BMP5: variants seen among roughly 807,000 people sequenced by gnomAD.
BMP5 encodes bone morphogenetic protein 5.
BMP5 carries 23 observed loss-of-function variants against 46.6 expected under a neutral mutation model. The observed-to-expected ratio is 0.49, with a 90% CI of 0.35 to 0.70. The LOEUF (loss-of-function observed/expected upper bound fraction) is 0.70, where lower values mean the gene tolerates loss of function less well. Among genes scored for constraint, BMP5 ranks in the 30% least tolerant of loss-of-function variants. The pLI is 0.00. For synonymous variants in BMP5, 204 were observed against 191.9 expected (o/e 1.06, Z -0.52); for missense variants, 545 against 565.6 (o/e 0.96, Z 0.37).
chr6:55,762,335 T>G (rs1474701850), intron 4 of BMP5, among the ~76,000 whole-genome samples: 1 of 152,156 alleles, frequency 6.6e-6, no homozygotes, highest in Non-Finnish European at 1.5e-5. Context: ...TGTAGGCAAG[T>G]TAGAGATCAA....
chr6:55,869,586 T>G (rs1192192939), intron 1 of BMP5, among the ~76,000 whole-genome samples: 2 of 152,208 alleles, frequency 1.3e-5, no homozygotes, highest in Admixed American at 1.3e-4. Flanking sequence ...GAGTGTTATT[T>G]TTGTTCATTG....
At chr6:55,855,224 T>C (rs982417279) in intron 1 of BMP5, among the ~76,000 whole-genome samples, 1 of 152,002 alleles carries the variant, frequency 6.6e-6, no homozygotes, top group Admixed American at 6.6e-5. Context: ...TATTTATTTG[T>C]TTTTATTTTT....
intron 3 of BMP5, among the ~76,000 whole-genome samples, chr6:55,790,586 C>T (rs914340284): frequency 1.3e-5 from 2 of 152,176 alleles, no homozygotes; most frequent in African/African-American, 4.8e-5. Flanking sequence ...TCACATTTTA[C>T]ACATGAAAGT....
intron 1 of BMP5, among the ~76,000 whole-genome samples, chr6:55,832,073 T>C (rs1776677891): frequency 6.6e-6 from 1 of 152,102 alleles, no homozygotes; most frequent in Non-Finnish European, 1.5e-5. Flanking sequence ...AATATCCCAT[T>C]TACCATTTGT....
intron 2 of BMP5, among the ~76,000 whole-genome samples, chr6:55,808,285 G>C (rs1173095390): frequency 6.6e-6 from 1 of 152,172 alleles, no homozygotes; most frequent in Admixed American, 6.5e-5. Context: ...TGATGTGTTT[G>C]GCTGTGAGGG....
At chr6:55,835,620 G>A (rs138811041) in intron 1 of BMP5, among the ~76,000 whole-genome samples, 20 of 152,238 alleles carry the variant, frequency 1.3e-4, no homozygotes, top group East Asian at 3.9e-4. Context: ...AAGCTATGTC[G>A]TTCTTTTCTC....
At chr6:55,773,899 G>T in intron 4 of BMP5, 150 bp downstream of exon 4, 1 of 874,080 alleles carries the variant, frequency 1.1e-6, no homozygotes, top group Admixed American at 2.0e-5. Flanking sequence ...ATTCACTGAT[G>T]AAACATTCTG....
At chr6:55,806,250 G>A (rs1221821806) in intron 2 of BMP5, among the ~76,000 whole-genome samples, 1 of 152,140 alleles carries the variant, frequency 6.6e-6, no homozygotes, top group Non-Finnish European at 1.5e-5. Context: ...TTTCTATAAG[G>A]TGTAAGAAAG....
intron 1 of BMP5, among the ~76,000 whole-genome samples, chr6:55,853,902 G>C (rs1777317606): frequency 6.6e-6 from 1 of 152,068 alleles, no homozygotes; most frequent in Non-Finnish European, 1.5e-5. Flanking sequence ...ATGACTTAGA[G>C]ACACAAATAC....
intron 1 of BMP5, among the ~76,000 whole-genome samples, chr6:55,821,857 T>G (rs1466056874): frequency 6.6e-6 from 1 of 152,162 alleles, no homozygotes; most frequent in Non-Finnish European, 1.5e-5. Flanking sequence ...GATGTGCATG[T>G]AAGAATGCTA....
intron 1 of BMP5, among the ~76,000 whole-genome samples, chr6:55,849,909 T>C (rs1399239543): frequency 6.6e-6 from 1 of 152,120 alleles, no homozygotes; most frequent in African/African-American, 2.4e-5. Flanking sequence ...ATTCTACTAA[T>C]AAAACCTAAA....
At chr6:55,802,372 T>C (rs1775870302) in intron 2 of BMP5, among the ~76,000 whole-genome samples, 1 of 152,184 alleles carries the variant, frequency 6.6e-6, no homozygotes, top group Non-Finnish European at 1.5e-5. Context: ...ATTGGACTAC[T>C]ACTACCACAA....
chr6:55,830,190 T>C (rs1187913112), intron 1 of BMP5, among the ~76,000 whole-genome samples: 1 of 152,122 alleles, frequency 6.6e-6, no homozygotes, highest in Non-Finnish European at 1.5e-5. Context: ...AGATGTATTG[T>C]ATAATTGGAG....
intron 1 of BMP5, among the ~76,000 whole-genome samples, chr6:55,832,628 A>C (rs999629019): frequency 6.6e-6 from 1 of 152,150 alleles, no homozygotes; most frequent in African/African-American, 2.4e-5. Flanking sequence ...TAACTTATCC[A>C]AGTTCATAAG....
chr6:55,850,397 GA>G (rs1443962396), intron 1 of BMP5, among the ~76,000 whole-genome samples: 17 of 140,066 alleles, frequency 1.2e-4, no homozygotes, highest in Admixed American at 2.8e-4. Context: ...TAGATAGATC[GA>G]TAGATATAGA....
chr6:55,842,327 G>T (rs929587537), intron 1 of BMP5, among the ~76,000 whole-genome samples: 3 of 152,126 alleles, frequency 2.0e-5, no homozygotes, highest in Admixed American at 6.5e-5. Flanking sequence ...AAGTCAGCAA[G>T]TTCTCTCCAC....
At chr6:55,841,051 G>A (rs1020615282) in intron 1 of BMP5, among the ~76,000 whole-genome samples, 1 of 152,104 alleles carries the variant, frequency 6.6e-6, no homozygotes, top group Non-Finnish European at 1.5e-5. Flanking sequence ...ATAGGAGTGC[G>A]AACCCTATTT....
At chr6:55,837,409 C>T (rs1388346597) in intron 1 of BMP5, among the ~76,000 whole-genome samples, 1 of 149,960 alleles carries the variant, frequency 6.7e-6, no homozygotes, top group African/African-American at 2.5e-5. Flanking sequence ...GGCAGGCAGA[C>T]AGACAGACAG....
chr6:55,792,535 C>CAA (rs78969394), intron 3 of BMP5, among the ~76,000 whole-genome samples: 22 of 74,556 alleles, frequency 3.0e-4, no homozygotes, highest in Non-Finnish European at 4.0e-4. Flanking sequence ...GACTCCGTCT[C>CAA]AAAAAAAAAA....
Sources: allele counts gnomAD v4.1 joint callset (sites outside exome capture counted in the v4.1 genomes callset), GRCh38; gene constraint gnomAD v4.1.1; transcripts MANE v1.5; gene names NCBI Gene and HGNC (gene_info 2026-07-23, HGNC 2026-07-21).